The following CACHD1 variants were observed in gnomAD, a reference collection of about 807,000 sequenced individuals.
CACHD1 encodes VWFA and cache domain-containing protein 1.
CACHD1 carries 71 observed loss-of-function variants against 138.7 expected under a neutral mutation model. The ratio of observed to expected loss-of-function variants is 0.51; its 90% CI spans 0.42 to 0.62. The LOEUF is 0.62. CACHD1 is among the 20% of genes least tolerant of loss of function. The pLI is 0.00. For synonymous variants in CACHD1, 578 were observed against 591.5 expected, an observed-to-expected ratio of 0.98 and a Z score of 0.33; for missense variants, 1,389 against 1,625.3, an observed-to-expected ratio of 0.85 and a Z score of 2.50.
At chr1:64,489,665 T>G (rs1220614685) in intron 1 of CACHD1, among the ~76,000 whole-genome samples, 2 of 152,170 alleles carry the variant, frequency 1.3e-5, no homozygotes, top group African/African-American at 2.4e-5. Flanking sequence ...TGAGATGAGG[T>G]TTGTAAGAAT....
chr1:64,689,370 A>G (rs1283309471), intron 26 of CACHD1, among the ~76,000 whole-genome samples: 1 of 150,422 alleles, frequency 6.6e-6, no homozygotes, highest in East Asian at 2.0e-4. Flanking sequence ...ACCTTTCACT[A>G]CTCCTCACCC....
At chr1:64,592,201 AAC>A (rs1425157197) in intron 3 of CACHD1, among the ~76,000 whole-genome samples, 1 of 152,256 alleles carries the variant, frequency 6.6e-6, no homozygotes, top group Non-Finnish European at 1.5e-5. Context: ...AGTTATGCTT[AAC>A]AGTTTTGTTA....
chr1:64,558,744 A>G (rs1184872523), intron 2 of CACHD1, among the ~76,000 whole-genome samples: 2 of 152,338 alleles, frequency 1.3e-5, no homozygotes, highest in East Asian at 1.9e-4. Flanking sequence ...TTTGCAAACT[A>G]TACATCTGAC....
chr1:64,482,953 A>G (rs544623249), intron 1 of CACHD1, among the ~76,000 whole-genome samples: 2 of 152,306 alleles, frequency 1.3e-5, no homozygotes, highest in African/African-American at 4.8e-5. Flanking sequence ...TGAGGACTCA[A>G]AAAATGTCTA....
intron 16 of CACHD1, among the ~76,000 whole-genome samples, chr1:64,669,814 G>A (rs1649758323): frequency 6.6e-6 from 1 of 152,094 alleles, no homozygotes; most frequent in African/African-American, 2.4e-5. Context: ...GCTTTAGCAT[G>A]TTTATCATTT....
In CACHD1 at chr1:64,568,291, C is replaced by G. The variant is rs375164987; in HGVS notation, c.262-13865C>G. ...AAAGCGTAACATTGTTACGCTTTCT[C>G]CCTTTCTGTCACACGGGAGAAGCTG... On this transcript the variant is annotated intron_variant, in intron 2 of 26. Coordinates refer to ENST00000651257, the MANE Select transcript of CACHD1 (RefSeq NM_020925.4). 3.3e-5 allele frequency among the ~76,000 whole-genome samples: 5 copies of G among 152,098 alleles called. No individual in the cohort carries two copies. The East Asian group carries it at 5.8e-4, about 18-fold the overall frequency.
chr1:64,613,089 G>A (rs1647588743), intron 4 of CACHD1, among the ~76,000 whole-genome samples: 1 of 152,206 alleles, frequency 6.6e-6, no homozygotes, highest in South Asian at 2.1e-4. Context: ...TTCAGTGGAG[G>A]AAGTCACTGC....
At chr1:64,532,628 G>A (rs764778721) in intron 1 of CACHD1, among the ~76,000 whole-genome samples, 38 of 152,128 alleles carry the variant, frequency 2.5e-4, no homozygotes, top group Non-Finnish European at 5.3e-4. Flanking sequence ...GAAGGGCCAA[G>A]GACTGGGGAG....
At chr1:64,475,063 G>T (rs968723907) in intron 1 of CACHD1, among the ~76,000 whole-genome samples, 11 of 152,164 alleles carry the variant, frequency 7.2e-5, no homozygotes, top group Admixed American at 5.2e-4. Context: ...CTCAGCTGGG[G>T]CAGAAGTGTC....
chr1:64,587,493 A>G (rs962942123), intron 3 of CACHD1, among the ~76,000 whole-genome samples: 7 of 152,204 alleles, frequency 4.6e-5, no homozygotes, highest in Non-Finnish European at 7.3e-5. Context: ...TTTCCTTCTC[A>G]GACCAGTCAA....
intron 1 of CACHD1, among the ~76,000 whole-genome samples, chr1:64,489,831 T>A (rs1223303545): frequency 1.3e-5 from 2 of 152,188 alleles, no homozygotes; most frequent in African/African-American, 4.8e-5. Context: ...GGATGATAGA[T>A]GAGGAGGATG....
At chr1:64,616,107 C>G (rs1647698790) in intron 4 of CACHD1, among the ~76,000 whole-genome samples, 1 of 152,184 alleles carries the variant, frequency 6.6e-6, no homozygotes, top group African/African-American at 2.4e-5. Context: ...ATTCTGCCTA[C>G]TGACACTTGA....
At chr1:64,551,060 G>A (rs1646755457) in intron 2 of CACHD1, among the ~76,000 whole-genome samples, 1 of 152,106 alleles carries the variant, frequency 6.6e-6, no homozygotes, top group Non-Finnish European at 1.5e-5. Context: ...TTTTTGAGCT[G>A]CAGTTTCTCA....
At position 64,644,684 on chromosome 1, in the gene CACHD1, T is replaced by A. The variant is rs548310078; in HGVS notation, c.1156+2715T>A. 3.9e-5 allele frequency among the ~76,000 whole-genome samples: 6 copies of A among 152,366 alleles called. No individual in the cohort carries two copies. In the South Asian group the frequency reaches 1.2e-3, roughly 32 times the overall value. ...ATCCTCACTGCCAGTTTTCTCTCTC[T>A]TTCTCAGAACCCTATTTCTAAGTGT... On this transcript the variant is annotated intron_variant, in intron 8 of 26. Coordinates refer to ENST00000651257, the MANE Select transcript of CACHD1 (RefSeq NM_020925.4).
intron 13 of CACHD1, among the ~76,000 whole-genome samples, chr1:64,662,924 C>G (rs140792381): frequency 6.6e-6 from 1 of 152,242 alleles, no homozygotes; most frequent in South Asian, 2.1e-4. Context: ...TTAAATAGTA[C>G]TACTAATATG....
At chr1:64,628,057 A>T (rs2100631306) in intron 4 of CACHD1, among the ~76,000 whole-genome samples, 1 of 152,350 alleles carries the variant, frequency 6.6e-6, no homozygotes, top group Admixed American at 6.5e-5. Flanking sequence ...TCTGAAGATA[A>T]GAACACATAT....
At chr1:64,547,037 G>GT (rs2100444843) in intron 1 of CACHD1, among the ~76,000 whole-genome samples, 1 of 152,268 alleles carries the variant, frequency 6.6e-6, no homozygotes, top group Admixed American at 6.5e-5. Flanking sequence ...TACAGTGCCT[G>GT]TTTTTAACTC....
At chr1:64,551,294 G>A (rs1325283750) in intron 2 of CACHD1, among the ~76,000 whole-genome samples, 2 of 151,492 alleles carry the variant, frequency 1.3e-5, no homozygotes, top group African/African-American at 4.9e-5. Flanking sequence ...TTTGAGGTCA[G>A]ATTCTATTTA....
At chr1:64,641,675 G>A in intron 7 of CACHD1, 145 bp from the exon 8 acceptor site, 1 of 531,830 alleles carries the variant, frequency 1.9e-6, no homozygotes, top group South Asian at 3.4e-5. Flanking sequence ...GGGGATGAAA[G>A]CCACAGCATC....
Sources: allele counts gnomAD v4.1 joint callset (sites outside exome capture counted in the v4.1 genomes callset), GRCh38; gene constraint gnomAD v4.1.1; transcripts MANE v1.5; gene names NCBI Gene and HGNC (gene_info 2026-07-23, HGNC 2026-07-21).